The following RIMS4 variants were observed in gnomAD, a reference collection of about 807,000 sequenced individuals.
The protein encoded by RIMS4 is regulating synaptic membrane exocytosis protein 4.
Under a neutral mutation model 29.0 loss-of-function variants are expected in RIMS4, and 9 were observed. The observed-to-expected ratio is 0.31, with a 90% CI of 0.19 to 0.54. The LOEUF is 0.54. RIMS4 is among the 20% of genes least tolerant of loss of function. The pLI is 0.94. For synonymous variants in RIMS4, 130 were observed against 152.9 expected, an observed-to-expected ratio of 0.85 and a Z score of 1.10; for missense variants, 193 against 365.7, an observed-to-expected ratio of 0.53 and a Z score of 3.85.
At chr20:44,789,540 C>T (rs554336252) in intron 1 of RIMS4, among the ~76,000 whole-genome samples, 2 of 152,220 alleles carry the variant, frequency 1.3e-5, no homozygotes, top group South Asian at 2.1e-4. Flanking sequence ...TCGTGATCCG[C>T]CCGTCATCAC....
intron 2 of RIMS4, among the ~76,000 whole-genome samples, chr20:44,766,340 G>C (rs2066113493): frequency 6.6e-6 from 1 of 152,172 alleles, no homozygotes; most frequent in Admixed American, 6.5e-5. Context: ...TGAGTCAGAG[G>C]GTGAAGGGGG....
chr20:44,808,200 T>C (rs967049550), intron 1 of RIMS4, among the ~76,000 whole-genome samples: 1 of 152,038 alleles, frequency 6.6e-6, no homozygotes, highest in African/African-American at 2.4e-5. Flanking sequence ...ATAGACAAGA[T>C]GATTTCTAGG....
At chr20:44,772,040 T>G (rs2066139758) in intron 1 of RIMS4, among the ~76,000 whole-genome samples, 1 of 152,186 alleles carries the variant, frequency 6.6e-6, no homozygotes, top group Non-Finnish European at 1.5e-5. Context: ...AAATCCTGGA[T>G]ATCTATCTCA....
chr20:44,759,414 C>G (rs578233768), intron 2 of RIMS4, among the ~76,000 whole-genome samples: 3 of 152,150 alleles, frequency 2.0e-5, no homozygotes, highest in Non-Finnish European at 4.4e-5. Context: ...TGTACCACCA[C>G]GCCCGGCCAA....
chr20:44,760,700 A>G (rs2066080772), intron 2 of RIMS4, among the ~76,000 whole-genome samples: 1 of 151,952 alleles, frequency 6.6e-6, no homozygotes. Context: ...TGATCCATTC[A>G]TTCAACCAAC....
rs1443496729 is a variant in RIMS4 at position 44,771,332 on chromosome 20, C to T, written c.179G>A (p.Arg60His). The change falls in exon 2 of 6, where the codon CGC becomes CAC. Residue 60 changes from arginine (R) to histidine (H), a missense_variant. Arg to His is a conservative substitution (Grantham distance 29, BLOSUM62 0). Transcript: ENST00000372851. ...LAVEMPSRTLRQASHESIEDS... is the reference protein window; with the variant it reads ...LAVEMPSRTLHQASHESIEDS... ...CTCAATGGACTCGTGGCTGGCCTGG[C>T]GCAGTGTCCGGCTGGGCATCTCCAC... 5 of 1,613,852 alleles carry T rather than the reference C, an allele frequency of 3.1e-6. No homozygotes were observed. Among genetic ancestry groups the T allele is most frequent in the Admixed American group, 1.7e-5 (1 of 60,004 alleles).
intron 1 of RIMS4, among the ~76,000 whole-genome samples, chr20:44,772,581 T>TA (rs1454713945): frequency 6.6e-6 from 1 of 152,114 alleles, no homozygotes; most frequent in African/African-American, 2.4e-5. Flanking sequence ...ATAGAGCTAG[T>TA]AAGGTGGGGA....
chr20:44,756,843 CT>C lies in RIMS4; in HGVS notation c.591+54del. The C allele has an allele frequency of 6.4e-7, 1 of 1,562,840 alleles. No individual in the cohort carries two copies. The highest frequency in any genetic ancestry group is 1.2e-5 in the South Asian group (1 of 81,538). On this transcript the variant is annotated intron_variant, in intron 5 of 5. Transcript: ENST00000372851. The surrounding 1 kb of genome is among the most constrained non-coding windows in gnomAD (Gnocchi z 5.9). ...GGGGTGCCCTCCTCTCATTCTGGTA[CT>C]GTGCATGTGTGCTCGTGCACACACA...
Position 44,776,146 on chromosome 20 carries a change from G to A in RIMS4, c.98-4733C>T, listed in dbSNP as rs144917660. Among the ~76,000 whole-genome samples the A allele has an allele frequency of 8.8e-3, 1,337 of 152,218 alleles. 23 individuals are homozygous for A. Among genetic ancestry groups the A allele is most frequent in the African/African-American group, 0.028 (1,160 of 41,514 alleles). On this transcript the variant is annotated intron_variant, in intron 1 of 5. Transcript: ENST00000372851. ...AAAAATACAAAAATTAGCCGGGCAT[G>A]GTGGTGGGCACCTGTAGTCTCAGCT...
rs948831370 is a variant in RIMS4 at position 44,773,877 on chromosome 20, G to C, written c.98-2464C>G. Among the ~76,000 whole-genome samples the C allele has an allele frequency of 2.9e-4, 44 of 152,256 alleles. 1 individual carries two copies. The highest frequency in any genetic ancestry group is 1.0e-3 in the African/African-American group (42 of 41,558). On this transcript the variant is annotated intron_variant, in intron 1 of 5. Transcript: ENST00000372851. ...CATCTTCCCACGGAGCTGTTGAGAGGCTTAAATGACAGACGTTTCCCATAG... is the reference window on the plus strand; with the variant it reads ...CATCTTCCCACGGAGCTGTTGAGAGCCTTAAATGACAGACGTTTCCCATAG...
chr20:44,785,962 C>A (rs2066206793), intron 1 of RIMS4, among the ~76,000 whole-genome samples: 1 of 152,118 alleles, frequency 6.6e-6, no homozygotes, highest in African/African-American at 2.4e-5. Flanking sequence ...CAGATGTCCG[C>A]CTACCCCAGA....
rs767610255 is a variant in RIMS4 at position 44,810,153 on chromosome 20, G to T, written c.97+22C>A. On this transcript the variant is annotated intron_variant, in intron 1 of 5. Coordinates refer to ENST00000372851, the MANE Select transcript of RIMS4 (RefSeq NM_182970.4). ...GGATCCCGGGACACCCCGGGGGTCT[G>T]GGGGGCGGGCCGCGCGCTTACCTGC... The T allele has an allele frequency of 1.4e-5, 21 of 1,520,464 alleles. No homozygotes were observed. In the South Asian group the frequency reaches 2.2e-4, roughly 16 times the overall value. 94.2% of individuals were successfully genotyped at this position (1,520,464 alleles called of 1,614,324 possible). A position where few individuals can be genotyped will look rare whatever the true frequency, so the allele number is the denominator to read the frequency against.
intron 1 of RIMS4, among the ~76,000 whole-genome samples, chr20:44,790,121 C>T (rs1309350070): frequency 6.6e-6 from 1 of 152,246 alleles, no homozygotes; most frequent in Non-Finnish European, 1.5e-5. Context: ...AGAGTCCAGG[C>T]TGCACGCCTG....
At chr20:44,792,912 C>A (rs1428004033) in intron 1 of RIMS4, among the ~76,000 whole-genome samples, 1 of 152,070 alleles carries the variant, frequency 6.6e-6, no homozygotes, top group Non-Finnish European at 1.5e-5. Context: ...CACAAAAATG[C>A]CCGACTGAGA....
chr20:44,774,936 A>T (rs1330032288), intron 1 of RIMS4, among the ~76,000 whole-genome samples: 1 of 151,962 alleles, frequency 6.6e-6, no homozygotes, highest in East Asian at 1.9e-4. Context: ...CTGGCCACCA[A>T]GTCACCCACC....
At chr20:44,782,991 C>T (rs1005972586) in intron 1 of RIMS4, among the ~76,000 whole-genome samples, 1 of 152,182 alleles carries the variant, frequency 6.6e-6, no homozygotes, top group Admixed American at 6.5e-5. Context: ...AACATGTGCA[C>T]AACGACTGTC....
At chr20:44,800,238 T>A (rs566546734) in intron 1 of RIMS4, among the ~76,000 whole-genome samples, 1 of 152,198 alleles carries the variant, frequency 6.6e-6, no homozygotes, top group East Asian at 1.9e-4. Flanking sequence ...AAGAAAAAAC[T>A]GGTAGCCTGA....
chr20:44,794,188 C>A (rs980189990), intron 1 of RIMS4, among the ~76,000 whole-genome samples: 8 of 152,248 alleles, frequency 5.3e-5, no homozygotes, highest in African/African-American at 1.9e-4. Context: ...CCTTTGGGAA[C>A]TGTGGTCTCC....
At chr20:44,766,838 C>A (rs1450198330) in intron 2 of RIMS4, among the ~76,000 whole-genome samples, 1 of 152,176 alleles carries the variant, frequency 6.6e-6, no homozygotes, top group Non-Finnish European at 1.5e-5. Context: ...CATGCCTTTG[C>A]CCAGGCTTCT....
Sources: gnomAD v4.1 joint callset for allele counts (sites outside exome capture counted in the v4.1 genomes callset) on GRCh38, gnomAD v4.1.1 for gene constraint, Gnocchi (gnomAD v3.1) non-coding constraint, MANE v1.5 for transcripts, NCBI Gene and HGNC (gene_info 2026-07-23, HGNC 2026-07-21) for gene names.